The following MTERF4 variants were observed in gnomAD, a reference collection of about 807,000 sequenced individuals.
MTERF4 encodes the protein mitochondrial transcription termination factor 4.
MTERF4 carries 17 observed loss-of-function variants against 22.5 expected under a neutral mutation model. The observed-to-expected ratio is 0.75, with a 90% confidence interval of 0.52 to 1.13. MTERF4 has a LOEUF of 1.13. MTERF4 is among the 50% of genes most tolerant of loss of function. The pLI is 0.00. For missense variants in MTERF4, 420 were observed against 466.8 expected, an observed-to-expected ratio of 0.90 and a Z score of 0.92; for synonymous variants, 165 against 175.3, an observed-to-expected ratio of 0.94 and a Z score of 0.47.
chr2:241,046,908 G>A, the MTERF4 span, among the ~76,000 whole-genome samples: 32 of 152,266 alleles, frequency 2.1e-4, no homozygotes, highest in African/African-American at 7.7e-4. Flanking sequence ...ACTTTGGGAG[G>A]CCAAGGCAGG....
downstream of MTERF4, chr2:241,071,815 G>C (rs374810934): frequency 2.5e-6 from 4 of 1,600,430 alleles, no homozygotes; most frequent in Middle Eastern, 1.7e-4. Context: ...GCTTGTGGAC[G>C]GCAGAGGAAG....
At position 241,096,144 on chromosome 2, in the gene MTERF4, C is replaced by T; in HGVS notation, c.1000G>A (p.Asp334Asn). The T allele has an allele frequency of 6.2e-7, 1 of 1,614,122 alleles. No homozygotes were observed. ...TCCTCATCCAGACTTGCCCTTTTGT[C>T]ATCAGATGTGCTGCTCTCAGACTCC... is the stretch of plus-strand genomic sequence containing the variant. ...EEESESSTSD[D>N]KRASLDEDED... is the part of the protein sequence containing the mutation. Residue 334 changes from aspartate to asparagine, a missense_variant, in exon 4 of 4, where the codon GAC (aspartate) becomes AAC (asparagine). Asp to Asn is a conservative substitution (Grantham distance 23). Coordinates refer to ENST00000391980, the MANE Select transcript of MTERF4 (RefSeq NM_182501.4). The surrounding 1 kb of genome is among the most constrained non-coding windows in gnomAD (Gnocchi z 5.1).
At chr2:241,083,652 G>A (rs984655565), downstream of MTERF4, among the ~76,000 whole-genome samples, 1 of 152,124 alleles carries the variant, frequency 6.6e-6, no homozygotes, top group African/African-American at 2.4e-5. Flanking sequence ...CCATCTTCCC[G>A]CTGTGCTTAG....
chr2:241,101,632 CA>C (rs1187792813), intron 1 of MTERF4, among the ~76,000 whole-genome samples: 2 of 152,286 alleles, frequency 1.3e-5, no homozygotes, highest in Non-Finnish European at 2.9e-5. Context: ...GAACACCTGG[CA>C]GTCGCTGGGG....
chr2:241,099,639 C>T lies in MTERF4; in HGVS notation c.277G>A (p.Glu93Lys), dbSNP rs2064610775. The T allele has an allele frequency of 6.2e-7, 1 of 1,614,108 alleles. No homozygotes were observed. Among genetic ancestry groups the T allele is most frequent in the Non-Finnish European group, 8.5e-7 (1 of 1,180,048 alleles). Residue 93 changes from glutamate to lysine, a missense_variant, in exon 2 of 4, where the codon GAG (glutamate) becomes AAG (lysine). Coordinates refer to ENST00000391980, the MANE Select transcript of MTERF4 (RefSeq NM_182501.4). ...TPVVQGSLEL[E>K]RVMSSLLDMG... ...TCCAGGAGGGAACTCATGACCCTCT[C>T]TAGCTCCAAGGACCCTTGTACCACA...
downstream of MTERF4, chr2:241,087,414 C>T (rs752479794): frequency 3.4e-5 from 55 of 1,602,864 alleles, no homozygotes; most frequent in Non-Finnish European, 4.7e-5. Context: ...CTACCGAGTT[C>T]ACCAAGACAT....
At chr2:241,089,940 C>G, downstream of MTERF4, 1 of 1,538,088 alleles carries the variant, frequency 6.5e-7, no homozygotes. Context: ...CGTAGAAAAC[C>G]TACAGTAAAA....
At chr2:241,072,055 G>A, downstream of MTERF4, 1 of 710,496 alleles carries the variant, frequency 1.4e-6, no homozygotes, top group Non-Finnish European at 2.5e-6. Context: ...CCGGCAGCAT[G>A]CACCTCCATG....
chr2:241,065,255 C>T, the MTERF4 span: 83 of 1,603,308 alleles, frequency 5.2e-5, 1 homozygote, highest in African/African-American at 2.8e-4. Flanking sequence ...GCATAGCTAA[C>T]GGCTGACCAG....
the MTERF4 span, chr2:241,065,306 C>T: frequency 3.1e-6 from 5 of 1,612,682 alleles, no homozygotes; most frequent in Non-Finnish European, 4.2e-6. Context: ...AAGAGCTCTT[C>T]CCACCGACGG....
At chr2:241,097,938 G>A (rs1395147778) in intron 2 of MTERF4, among the ~76,000 whole-genome samples, 1 of 152,150 alleles carries the variant, frequency 6.6e-6, no homozygotes, top group Non-Finnish European at 1.5e-5. Flanking sequence ...TAGTAATCAT[G>A]AGGACACACA....
At chr2:241,068,665 C>G (rs538021933), downstream of MTERF4, among the ~76,000 whole-genome samples, 1 of 152,138 alleles carries the variant, frequency 6.6e-6, no homozygotes, top group South Asian at 2.1e-4. The surrounding 1 kb of genome is among the most constrained non-coding windows in gnomAD (Gnocchi z 5.3). Flanking sequence ...GCCCTCTGAC[C>G]ATACTGTAGC....
downstream of MTERF4, chr2:241,095,074 C>CT (rs202088266): frequency 7.8e-6 from 1 of 128,322 alleles, no homozygotes; most frequent in Non-Finnish European, 1.7e-5. Context: ...CCCCCCCCCC[C>CT]CACACCCACC....
the MTERF4 span, among the ~76,000 whole-genome samples, chr2:241,043,290 A>G: frequency 6.6e-6 from 1 of 152,214 alleles, no homozygotes; most frequent in African/African-American, 2.4e-5. Flanking sequence ...CATTACATAC[A>G]GCGAAACAAG....
chr2:241,088,507 C>T, downstream of MTERF4: 1 of 939,256 alleles, frequency 1.1e-6, no homozygotes. Flanking sequence ...TTACTCAGCA[C>T]TGCTAAAGGA....
the MTERF4 span, among the ~76,000 whole-genome samples, chr2:241,054,534 C>T: frequency 6.6e-6 from 1 of 152,150 alleles, no homozygotes; most frequent in Non-Finnish European, 1.5e-5. Flanking sequence ...TGCCACTGTA[C>T]TCCAGCCTGG....
downstream of MTERF4, chr2:241,095,060 GCCCCCCCCC>G (rs10573691): frequency 1.1e-5 from 1 of 90,298 alleles, no homozygotes; most frequent in African/African-American, 3.3e-5. Flanking sequence ...AAGGTGACAC[GCCCCCCCCC>G]CCCCCCACAC....
Position 241,099,385 on chromosome 2 carries a change from ACTT to A in MTERF4, c.520+8_520+10del. ...CCACCGCACCCAGCCAAAATCTGCA[ACTT>A]CTTGTACCTTCTCCAAGCCCAAGCT... On this transcript the variant is annotated splice_region_variant and intron_variant, in intron 2 of 3. Coordinates refer to ENST00000391980, the MANE Select transcript of MTERF4 (RefSeq NM_182501.4). 1 of 1,604,904 alleles carries A rather than the reference ACTT, an allele frequency of 6.2e-7. No individual in the cohort carries two copies. Among genetic ancestry groups the A allele is most frequent in the Non-Finnish European group, 8.5e-7 (1 of 1,174,422 alleles).
Position 241,097,270 on chromosome 2 carries a change from G to T in MTERF4, c.678C>A (p.Asp226Glu). ...LHSCPSVLRE[D>E]LGQLEYKFQY... ...GAAACTTGTATTCCAGTTGACCCAG[G>T]TCCTCTCGAAGAACAGAGGGGCAAC... is the stretch of plus-strand genomic sequence containing the variant. Residue 226 changes from aspartate (D) to glutamate (E), a missense_variant, in exon 3 of 4, where the codon GAC becomes GAA. Physicochemically the swap from Asp to Glu is conservative, Grantham distance 45 (BLOSUM62 2). Coordinates refer to ENST00000391980, the MANE Select transcript of MTERF4 (RefSeq NM_182501.4). 1 of 1,614,032 alleles carries T rather than the reference G, an allele frequency of 6.2e-7. No individual in the cohort carries two copies. Among genetic ancestry groups the T allele is most frequent in the Non-Finnish European group, 8.5e-7 (1 of 1,179,992 alleles).
Sources: gnomAD v4.1 joint callset for allele counts (sites outside exome capture counted in the v4.1 genomes callset) on GRCh38, gnomAD v4.1.1 for gene constraint, Gnocchi (gnomAD v3.1) non-coding constraint, MANE v1.5 for transcripts, NCBI Gene and HGNC (gene_info 2026-07-23, HGNC 2026-07-21) for gene names.